The following FHIT variants were observed in gnomAD, a reference collection of about 807,000 sequenced individuals.
FHIT encodes the protein bis(5'-adenosyl)-triphosphatase.
In FHIT, 19 loss-of-function variants were observed where a neutral mutation model predicts 17.9. The observed-to-expected ratio is 1.06, with a 90% CI of 0.74 to 1.56. The LOEUF is 1.56. Ranked by LOEUF, FHIT falls within the 40% of genes most tolerant of loss-of-function variation. FHIT has a pLI of 0.00. For synonymous variants in FHIT, 81 were observed against 69.7 expected (o/e 1.16, Z -0.81); for missense variants, 248 against 189.2 (o/e 1.31, Z -1.82).
At chr3:61,058,372 T>C (rs2034301555) in intron 2 of FHIT, among the ~76,000 whole-genome samples, 1 of 152,182 alleles carries the variant, frequency 6.6e-6, no homozygotes, top group Admixed American at 6.5e-5. Context: ...TCTCATTCAT[T>C]CCCCTCCCCA....
chr3:60,365,042 A>G (rs1243541667), intron 5 of FHIT, among the ~76,000 whole-genome samples: 1 of 146,496 alleles, frequency 6.8e-6, no homozygotes, highest in Non-Finnish European at 1.5e-5. Flanking sequence ...GTATGTATCT[A>G]TCTGAATATA....
chr3:61,211,953 C>G (rs768282146), intron 1 of FHIT, among the ~76,000 whole-genome samples: 1 of 152,090 alleles, frequency 6.6e-6, no homozygotes. Context: ...GGTCCTGTCT[C>G]GTAGAAGGAA....
rs778191387 is a variant in FHIT at position 61,179,008 on chromosome 3, C to CTTTTT, written c.-164+21604_-164+21608dup. 8.7e-4 allele frequency among the ~76,000 whole-genome samples: 111 copies of CTTTTT among 127,616 alleles called. 2 individuals are homozygous for CTTTTT. Among genetic ancestry groups the CTTTTT allele is most frequent in the East Asian group, 5.6e-3 (22 of 3,948 alleles). The allele number at this position is 127,616 out of a possible 152,430, so 83.7% of individuals were successfully genotyped here. On this transcript the variant is annotated intron_variant, in intron 2 of 9. Transcript: ENST00000492590. ...GCCTACATTATTTCTTTTTCTTTTT[C>CTTTTT]TTTTTTTTTTTTTTTTTTTTGAGAC...
At chr3:60,017,015 G>C (rs1006383934) in intron 5 of FHIT, among the ~76,000 whole-genome samples, 2 of 152,116 alleles carry the variant, frequency 1.3e-5, no homozygotes, top group Admixed American at 6.5e-5. Flanking sequence ...CACTCAAAAT[G>C]AGATTAAAAC....
At chr3:60,720,292 T>A (rs1300141796) in intron 4 of FHIT, among the ~76,000 whole-genome samples, 1 of 152,108 alleles carries the variant, frequency 6.6e-6, no homozygotes, top group African/African-American at 2.4e-5. Flanking sequence ...TCAAATGTCA[T>A]CTCCCCTGAA....
chr3:61,213,310 G>T (rs1248317418), intron 1 of FHIT, among the ~76,000 whole-genome samples: 1 of 152,126 alleles, frequency 6.6e-6, no homozygotes, highest in Non-Finnish European at 1.5e-5. Flanking sequence ...GATGGAGGAA[G>T]ATCTACCCAG....
At chr3:60,159,688 A>G (rs531199451) in intron 5 of FHIT, among the ~76,000 whole-genome samples, 2 of 152,220 alleles carry the variant, frequency 1.3e-5, no homozygotes, top group South Asian at 4.1e-4. Context: ...AATTTTATCC[A>G]TCCAAAAAAT....
At chr3:60,058,919 G>C (rs546453034) in intron 5 of FHIT, among the ~76,000 whole-genome samples, 2 of 152,330 alleles carry the variant, frequency 1.3e-5, no homozygotes, top group Middle Eastern at 3.4e-3. Context: ...CTTGGGCAGA[G>C]AGTCATGGTA....
chr3:59,960,210 G>A (rs1032787025), intron 7 of FHIT, among the ~76,000 whole-genome samples: 6 of 152,196 alleles, frequency 3.9e-5, no homozygotes, highest in African/African-American at 1.4e-4. Flanking sequence ...AGATCAGAAT[G>A]GAGATGCAGC....
intron 5 of FHIT, among the ~76,000 whole-genome samples, chr3:60,408,694 A>G (rs930547399): frequency 2.0e-5 from 3 of 152,176 alleles, no homozygotes; most frequent in Admixed American, 6.5e-5. Flanking sequence ...TGTATCATTT[A>G]CTTATCAACT....
intron 8 of FHIT, among the ~76,000 whole-genome samples, chr3:59,815,249 G>A (rs936607334): frequency 6.6e-6 from 1 of 152,062 alleles, no homozygotes; most frequent in Non-Finnish European, 1.5e-5. Flanking sequence ...GAAAGGGAAT[G>A]TAGCCTTTAT....
chr3:60,247,194 A>G (rs1705441910), intron 5 of FHIT, among the ~76,000 whole-genome samples: 2 of 143,270 alleles, frequency 1.4e-5, no homozygotes, highest in Admixed American at 1.4e-4. Context: ...AAATTTTGCT[A>G]TAAACCTAAA....
At chr3:60,437,222 G>A (rs1217479110) in intron 5 of FHIT, among the ~76,000 whole-genome samples, 2 of 152,084 alleles carry the variant, frequency 1.3e-5, no homozygotes, top group African/African-American at 2.4e-5. Context: ...AGACATGTGG[G>A]CAAGACTGCT....
rs140019164 is a variant in FHIT at position 60,756,307 on chromosome 3, C to T, written c.-18+65612G>A. On this transcript the variant is annotated intron_variant, in intron 4 of 9. Transcript: ENST00000492590. ...GTGAGTATTGTACAAGGTTTCAATG[C>T]CTTTTTTTTCCAACTCACATTGTCC... 3.4e-3 allele frequency among the ~76,000 whole-genome samples: 514 copies of T among 152,224 alleles called. 3 individuals carry two copies. The highest frequency in any genetic ancestry group is 0.012 in the African/African-American group (481 of 41,516).
At chr3:61,047,293 C>T (rs1446944764) in intron 2 of FHIT, among the ~76,000 whole-genome samples, 2 of 152,156 alleles carry the variant, frequency 1.3e-5, no homozygotes, top group Admixed American at 6.5e-5. Context: ...TCTCAGGATA[C>T]AAAATCAATG....
intron 4 of FHIT, among the ~76,000 whole-genome samples, chr3:60,759,401 G>A (rs1290505654): frequency 1.3e-5 from 2 of 152,164 alleles, no homozygotes; most frequent in African/African-American, 2.4e-5. Flanking sequence ...ATGTGTAACC[G>A]AAGTCTAGAG....
At chr3:60,554,621 C>G (rs2036681256) in intron 4 of FHIT, among the ~76,000 whole-genome samples, 1 of 152,120 alleles carries the variant, frequency 6.6e-6, no homozygotes, top group African/African-American at 2.4e-5. Flanking sequence ...CAGAGCAAGG[C>G]CAGTCAGAGG....
intron 5 of FHIT, among the ~76,000 whole-genome samples, chr3:60,081,710 G>C (rs889887621): frequency 6.6e-6 from 1 of 152,028 alleles, no homozygotes; most frequent in African/African-American, 2.4e-5. Context: ...AAAACCCCTA[G>C]TTTATTATAG....
intron 5 of FHIT, among the ~76,000 whole-genome samples, chr3:60,461,452 A>G (rs1250128357): frequency 6.6e-6 from 1 of 152,004 alleles, no homozygotes; most frequent in Non-Finnish European, 1.5e-5. Context: ...ATAAAACAAT[A>G]TGTCATCTTG....
Sources: gnomAD v4.1 joint callset for allele counts (sites outside exome capture counted in the v4.1 genomes callset) on GRCh38, gnomAD v4.1.1 for gene constraint, MANE v1.5 for transcripts, NCBI Gene and HGNC (gene_info 2026-07-23, HGNC 2026-07-21) for gene names.